The following ZFYVE9 variants were observed in gnomAD, a reference collection of about 807,000 sequenced individuals.
ZFYVE9 encodes zinc finger FYVE-type containing 9.
In ZFYVE9, 43 loss-of-function variants were observed where a neutral mutation model predicts 126.7. That is an observed-to-expected ratio of 0.34 (90% CI 0.27 to 0.44). The LOEUF (loss-of-function observed/expected upper bound fraction) is 0.44. Ranked by LOEUF, ZFYVE9 falls within the 20% of genes least tolerant of loss-of-function variation. The pLI is 1.00. For missense variants in ZFYVE9, 1,476 were observed against 1,697.0 expected (o/e 0.87, Z 2.29); for synonymous variants, 521 against 597.4 (o/e 0.87, Z 1.87).
chr1:52,237,840 T>C lies in ZFYVE9; in HGVS notation c.423T>C (p.Cys141=). Residue 141 remains cysteine (C), a synonymous_variant, in exon 4 of 19, where the codon TGT becomes TGC. Transcript: ENST00000287727. ...VGEKKCGNLA[C]LPDEKNVLVV... Reference sequence around the variant, plus strand: ...AGAAGAAATGTGGAAACCTGGCTTGTCTGCCAGATGAGAAGAATGTTCTTG... The same window carrying C: ...AGAAGAAATGTGGAAACCTGGCTTGCCTGCCAGATGAGAAGAATGTTCTTG... The C allele has an allele frequency of 1.2e-6, 2 of 1,614,090 alleles. No homozygotes were observed. Among genetic ancestry groups the C allele is most frequent in the Non-Finnish European group, 1.7e-6 (2 of 1,179,972 alleles).
chr1:52,179,210 C>T (rs649676), intron 1 of ZFYVE9, among the ~76,000 whole-genome samples: 112,241 of 152,038 alleles, frequency 0.74, 45,835 homozygotes, highest in Non-Finnish European at 0.9. Context: ...TTAGATGAGG[C>T]GATGGAGTGC....
At position 52,329,311 on chromosome 1, in the gene ZFYVE9, C is replaced by T. The variant is rs191358605; in HGVS notation, c.3439-3457C>T. Among the ~76,000 whole-genome samples, 458 of 152,098 alleles carry T rather than the reference C, an allele frequency of 3.0e-3. 4 individuals carry two copies. In the South Asian group the frequency reaches 0.035, roughly 12 times the overall value. ...TATACTTCTCAATTTTAAAACTTAC[C>T]CTTACCTCACATTATATATAAAAAC... On this transcript the variant is annotated intron_variant, in intron 13 of 18. Coordinates refer to ENST00000287727, the MANE Select transcript of ZFYVE9 (RefSeq NM_004799.4).
intron 13 of ZFYVE9, among the ~76,000 whole-genome samples, chr1:52,311,183 A>G (rs901567520): frequency 2.6e-5 from 4 of 151,892 alleles, no homozygotes; most frequent in Admixed American, 2.0e-4. Flanking sequence ...GTTATTTAAT[A>G]TGTTTGTTTA....
chr1:52,337,732 G>C, intron 15 of ZFYVE9, 40 bp from the exon 16 acceptor site: 1 of 1,598,288 alleles, frequency 6.3e-7, no homozygotes, highest in Non-Finnish European at 8.6e-7. Context: ...CAGGTGCTGT[G>C]TTTCATTTGC....
intron 1 of ZFYVE9, among the ~76,000 whole-genome samples, chr1:52,212,638 A>G (rs1439059009): frequency 6.6e-6 from 1 of 152,222 alleles, no homozygotes; most frequent in African/African-American, 2.4e-5. Context: ...AATCTTTGCC[A>G]TGGTAGTGTG....
intron 2 of ZFYVE9, among the ~76,000 whole-genome samples, chr1:52,222,790 A>C (rs991159022): frequency 6.6e-6 from 1 of 152,160 alleles, no homozygotes; most frequent in Admixed American, 6.5e-5. Flanking sequence ...TTTCTTCCGA[A>C]GTGGTGACCA....
At chr1:52,252,566 G>A (rs1012823755) in intron 4 of ZFYVE9, 4 of 195,320 alleles carry the variant, frequency 2.0e-5, no homozygotes, top group African/African-American at 9.5e-5. Flanking sequence ...TACTGTGTTA[G>A]CCAGGGTGGT....
At chr1:52,296,932 G>A (rs2147834415) in intron 12 of ZFYVE9, among the ~76,000 whole-genome samples, 1 of 152,260 alleles carries the variant, frequency 6.6e-6, no homozygotes, top group Non-Finnish European at 1.5e-5. Context: ...TGAGCCTCCT[G>A]AGCAGCTGTG....
chr1:52,324,059 C>CA (rs924630491), intron 13 of ZFYVE9, among the ~76,000 whole-genome samples: 4,717 of 131,604 alleles, frequency 0.036, 262 homozygotes, highest in African/African-American at 0.12. Context: ...GACTCAGTCT[C>CA]AAAAAAAAAA....
intron 13 of ZFYVE9, among the ~76,000 whole-genome samples, chr1:52,325,795 A>T (rs1646285109): frequency 6.6e-6 from 1 of 152,142 alleles, no homozygotes; most frequent in Non-Finnish European, 1.5e-5. Context: ...CTCTGCTTAA[A>T]CTCCTCTATA....
intron 9 of ZFYVE9, among the ~76,000 whole-genome samples, 198 bp downstream of exon 9, chr1:52,278,812 C>T (rs996160172): frequency 6.6e-6 from 1 of 151,294 alleles, no homozygotes; most frequent in African/African-American, 2.4e-5. Flanking sequence ...CTGCAAGCTC[C>T]ACCTCCCGGG....
At chr1:52,149,734 C>T (rs1192276873) in intron 1 of ZFYVE9, among the ~76,000 whole-genome samples, 4 of 152,036 alleles carry the variant, frequency 2.6e-5, no homozygotes, top group South Asian at 2.1e-4. Flanking sequence ...ACCTCGTGAT[C>T]CACCTGCTTT....
intron 13 of ZFYVE9, among the ~76,000 whole-genome samples, chr1:52,331,973 G>A (rs542638618): frequency 1.3e-5 from 2 of 151,604 alleles, no homozygotes; most frequent in South Asian, 2.1e-4. Context: ...GTAGAGACGG[G>A]GTTTCACCGT....
rs573377062 is a variant in ZFYVE9, at chr1:52,169,833, C to A, written c.-143+27430C>A. 9.9e-5 allele frequency among the ~76,000 whole-genome samples: 15 copies of A among 152,222 alleles called. No individual in the cohort carries two copies. The South Asian group carries it at 1.9e-3, about 19-fold the overall frequency. On this transcript the variant is annotated intron_variant, in intron 1 of 18. Coordinates refer to ENST00000287727, the MANE Select transcript of ZFYVE9 (RefSeq NM_004799.4). ...AACTTGCTATTATGAAGTATTTGTA[C>A]CCTAACTCCTTGCTATCCTCTTATT...
intron 12 of ZFYVE9, among the ~76,000 whole-genome samples, chr1:52,302,527 G>C (rs1646045015): frequency 6.6e-6 from 1 of 152,184 alleles, no homozygotes; most frequent in South Asian, 2.1e-4. Flanking sequence ...AAGGTGGGCG[G>C]ATCAGCTGAG....
chr1:52,286,039 C>T (rs1557500791), intron 10 of ZFYVE9, among the ~76,000 whole-genome samples: 1 of 151,888 alleles, frequency 6.6e-6, no homozygotes, highest in Non-Finnish European at 1.5e-5. Context: ...GCCTGTCATC[C>T]CAGCTACTTG....
At chr1:52,297,754 G>A (rs774084342) in intron 12 of ZFYVE9, among the ~76,000 whole-genome samples, 85 of 150,834 alleles carry the variant, frequency 5.6e-4, no homozygotes, top group African/African-American at 1.9e-3. Context: ...ACAGAGTCTC[G>A]CACTGTCGCC....
At chr1:52,312,214 T>C (rs1330334877) in intron 13 of ZFYVE9, among the ~76,000 whole-genome samples, 8 of 152,160 alleles carry the variant, frequency 5.3e-5, no homozygotes, top group African/African-American at 9.7e-5. Flanking sequence ...GGTAAATCTA[T>C]AAGAAGGTGA....
chr1:52,342,342 T>G (rs990964270), intron 17 of ZFYVE9, among the ~76,000 whole-genome samples: 1 of 147,988 alleles, frequency 6.8e-6, no homozygotes, highest in Non-Finnish European at 1.5e-5. Flanking sequence ...CTCGGCTCAC[T>G]GCAAGCTCCG....
Sources: allele counts gnomAD v4.1 joint callset (sites outside exome capture counted in the v4.1 genomes callset), GRCh38; gene constraint gnomAD v4.1.1; transcripts MANE v1.5; gene names NCBI Gene and HGNC (gene_info 2026-07-23, HGNC 2026-07-21).